Variants in PRMT2 observed in about 807,000 individuals in gnomAD.
PRMT2 encodes protein arginine N-methyltransferase 2.
PRMT2 carries 26 observed loss-of-function variants against 57.6 expected under a neutral mutation model. That is an observed-to-expected ratio of 0.45 (90% CI 0.33 to 0.63). PRMT2 has a LOEUF of 0.63. PRMT2 is among the 20% of genes least tolerant of loss of function. The probability of loss-of-function intolerance (pLI) is 0.02; values close to 1 mark genes in which losing one functional copy is unlikely to be tolerated. For missense variants in PRMT2, 472 were observed against 564.4 expected (o/e 0.84, Z 1.66); for synonymous variants, 219 against 220.0 (o/e 1.00, Z 0.04).
rs1235681551 is a variant in PRMT2 at position 46,648,032 on chromosome 21, A to G, written c.328-426A>G. Among the ~76,000 whole-genome samples the G allele has an allele frequency of 1.3e-5, 2 of 151,518 alleles. No homozygotes were observed. The highest frequency in any genetic ancestry group is 6.6e-5 in the Admixed American group (1 of 15,226). On this transcript the variant is annotated intron_variant, in intron 5 of 11. Coordinates refer to ENST00000355680, the MANE Select transcript of PRMT2 (RefSeq NM_206962.4). The surrounding 1 kb of genome is among the most constrained non-coding windows in gnomAD (Gnocchi z 4.8). ...CACTTACTGTTTTGAAACTAATTTT[A>G]TTATCATTTTGTTGTGCTTTCTCCT...
At chr21:46,664,124 A>G (rs930597403) in intron 11 of PRMT2, among the ~76,000 whole-genome samples, 171 bp from the exon 12 acceptor site, 3 of 152,140 alleles carry the variant, frequency 2.0e-5, no homozygotes, top group African/African-American at 7.2e-5. Flanking sequence ...TTCATTTTTT[A>G]TATTTGTTTT....
At chr21:46,656,861 G>C (rs754861080) in intron 7 of PRMT2, 1 of 151,724 alleles carries the variant, frequency 6.6e-6, no homozygotes, top group Non-Finnish European at 1.5e-5. Flanking sequence ...GCAAAAGGAT[G>C]ATGCTAAGAG....
intron 5 of PRMT2, among the ~76,000 whole-genome samples, chr21:46,647,632 T>C (rs7283669): frequency 0.75 from 113,732 of 152,116 alleles, 42,723 homozygotes; most frequent in East Asian, 0.9. Context: ...CCCAAAGTAC[T>C]GGGATTACAG....
intron 7 of PRMT2, chr21:46,651,907 G>GTCTGTCCC: frequency 6.2e-7 from 1 of 1,613,144 alleles, no homozygotes; most frequent in Non-Finnish European, 8.5e-7. Flanking sequence ...GCACCTGTGC[G>GTCTGTCCC]TCTGTCCCTC....
chr21:46,641,678 C>T (rs974151363), intron 3 of PRMT2, among the ~76,000 whole-genome samples: 7 of 151,164 alleles, frequency 4.6e-5, no homozygotes, highest in Non-Finnish European at 7.4e-5. Flanking sequence ...GGCGACAGAG[C>T]GAGACTCCAT....
chr21:46,653,923 TTTTTC>T (rs1179401241), intron 7 of PRMT2: 1 of 1,012,528 alleles, frequency 9.9e-7, no homozygotes, highest in Non-Finnish European at 1.2e-6. Context: ...ATGACAGCCT[TTTTTC>T]TTTTCTTGTT....
intron 7 of PRMT2, among the ~76,000 whole-genome samples, chr21:46,651,472 G>T (rs184846838): frequency 7.4e-6 from 1 of 134,910 alleles, no homozygotes; most frequent in Non-Finnish European, 1.6e-5. Context: ...ATGGCCTGGA[G>T]GGGCCACCCT....
intron 7 of PRMT2, among the ~76,000 whole-genome samples, chr21:46,650,212 T>C (rs748404000): frequency 6.6e-6 from 1 of 152,178 alleles, no homozygotes; most frequent in East Asian, 1.9e-4. Flanking sequence ...TGTTTTCTGG[T>C]TGCCTGTGAA....
chr21:46,648,618 C>T lies in PRMT2; in HGVS notation c.488C>T (p.Ala163Val), dbSNP rs561244754. 11 of 1,612,034 alleles carry T rather than the reference C, an allele frequency of 6.8e-6. No individual in the cohort carries two copies. Among genetic ancestry groups the T allele is most frequent in the African/African-American group, 1.3e-5 (1 of 75,016 alleles). ...TGTGCACACTATGCGCGGCCTAGAG[C>T]GGTGAGTGGGGTCTCGAGCGCATCC... ...LFCAHYARPR[A>V]VYAVEASEMA... Residue 163 changes from alanine to valine, a missense_variant and splice_region_variant, in exon 6 of 12, where the codon GCG (alanine) becomes GTG (valine). Ala to Val is a moderately conservative substitution (Grantham distance 64, BLOSUM62 0). Around this residue, in one of 2 missense-constraint regions of PRMT2, gnomAD observed 243 missense variants for 347.2 expected, o/e 0.70. Coordinates refer to ENST00000355680, the MANE Select transcript of PRMT2 (RefSeq NM_206962.4). This position sits in a 1 kb window ranked among gnomAD's most constrained non-coding sequence, Gnocchi z 4.8.
At chr21:46,661,966 CGGGGTGG>C in intron 10 of PRMT2, 30 bp downstream of exon 10, 1 of 132,588 alleles carries the variant, frequency 7.5e-6, no homozygotes, top group Non-Finnish European at 1.2e-5. Context: ...GCACGGGGTG[CGGGGTGG>C]GGGGCAGGGG....
chr21:46,644,276 C>T, intron 4 of PRMT2, 30 bp from the exon 5 acceptor site: 1 of 1,591,646 alleles, frequency 6.3e-7, no homozygotes, highest in Non-Finnish European at 8.5e-7. Flanking sequence ...GACTGGTTTT[C>T]TTATTGAATT....
chr21:46,648,630 T>A lies in PRMT2; in HGVS notation c.489+11T>A, dbSNP rs767466800. ...GCGCGGCCTAGAGCGGTGAGTGGGG[T>A]CTCGAGCGCATCCCGGGTGTTTGTG... On this transcript the variant is annotated intron_variant, in intron 6 of 11. Transcript: ENST00000355680. The surrounding 1 kb of genome is among the most constrained non-coding windows in gnomAD (Gnocchi z 4.8). 2 of 1,609,550 alleles carry A rather than the reference T, an allele frequency of 1.2e-6. No individual in the cohort carries two copies. Among genetic ancestry groups the A allele is most frequent in the East Asian group, 4.5e-5 (2 of 44,720 alleles).
At chr21:46,647,238 T>A (rs2061378124) in intron 5 of PRMT2, among the ~76,000 whole-genome samples, 1 of 152,210 alleles carries the variant, frequency 6.6e-6, no homozygotes, top group African/African-American at 2.4e-5. Context: ...ATTTTTTCTT[T>A]TTTTGTAAAC....
At chr21:46,644,224 C>A in intron 4 of PRMT2, 82 bp from the exon 5 acceptor site, 1 of 1,357,978 alleles carries the variant, frequency 7.4e-7, no homozygotes, top group Non-Finnish European at 1.0e-6. Context: ...ATTTTGTCAC[C>A]ATTGATGGGA....
At chr21:46,652,003 C>T in intron 7 of PRMT2, 1 of 1,613,260 alleles carries the variant, frequency 6.2e-7, no homozygotes, top group Non-Finnish European at 8.5e-7. Flanking sequence ...TCTTCCTACT[C>T]TGACGCTGAC....
intron 7 of PRMT2, among the ~76,000 whole-genome samples, chr21:46,656,319 C>A (rs2061541087): frequency 6.6e-6 from 1 of 152,168 alleles, no homozygotes; most frequent in Non-Finnish European, 1.5e-5. Context: ...GCCAAATAAA[C>A]CTCATTTCTT....
At position 46,663,419 on chromosome 21, in the gene PRMT2, C is replaced by T. The variant is rs778886350; in HGVS notation, c.1134C>T (p.Asp378=). ...GGAAGCAGACGCTGTTCATGATGGA[C>T]GACCCAGTCCCTGTCCATACAGGAG... ...THWKQTLFMM[D]DPVPVHTGDV... The change falls in exon 11 of 12, where the codon GAC becomes GAT. Residue 378 remains aspartate (D), a synonymous_variant. Transcript: ENST00000355680. The T allele has an allele frequency of 1.4e-5, 23 of 1,613,974 alleles. No individual in the cohort carries two copies. In the East Asian group the frequency reaches 3.3e-4, roughly 23 times the overall value.
rs573577333 is a variant in PRMT2, at chr21:46,661,120, GCTA to G, written c.960+161_960+163del. ...AAATAAGTGAATTTATAAAACGTTT[GCTA>G]CTGATTTTTTCCAGTCTTTTTTCTT... On this transcript the variant is annotated intron_variant, in intron 9 of 11. Coordinates refer to ENST00000355680, the MANE Select transcript of PRMT2 (RefSeq NM_206962.4). The G allele has an allele frequency of 9.9e-4, 734 of 740,080 alleles. 1 individual carries two copies. Among genetic ancestry groups the G allele is most frequent in the Non-Finnish European group, 1.3e-3 (648 of 505,432 alleles). The allele number at this position is 740,080 out of a possible 1,614,324, so 45.8% of individuals were successfully genotyped here.
intron 5 of PRMT2, among the ~76,000 whole-genome samples, chr21:46,645,715 G>GT (rs1601926911): frequency 6.6e-6 from 1 of 150,776 alleles, no homozygotes; most frequent in East Asian, 1.9e-4. Flanking sequence ...TTTTTTGTTT[G>GT]TTTTTGTTTT....
Sources: gnomAD v4.1 joint callset for allele counts (sites outside exome capture counted in the v4.1 genomes callset) on GRCh38, gnomAD v4.1.1 for gene constraint, gnomAD v4.1.1 regional missense constraint, Gnocchi (gnomAD v3.1) non-coding constraint, MANE v1.5 for transcripts, NCBI Gene and HGNC (gene_info 2026-07-23, HGNC 2026-07-21) for gene names.